The following RALGPS1 variants were observed in gnomAD, a reference collection of about 807,000 sequenced individuals.
RALGPS1 encodes Ral GEF with PH domain and SH3 binding motif 1.
Under a neutral mutation model 78.8 loss-of-function variants are expected in RALGPS1, and 19 were observed. That is an observed-to-expected ratio of 0.24 (90% CI 0.17 to 0.35). The LOEUF is 0.35. Ranked by LOEUF, RALGPS1 falls within the 10% of genes least tolerant of loss-of-function variation. The pLI, the probability that RALGPS1 is intolerant of heterozygous loss-of-function variation, is 1.00. For synonymous variants in RALGPS1, 228 were observed against 256.3 expected (o/e 0.89, Z 1.06); for missense variants, 454 against 688.3 (o/e 0.66, Z 3.81).
intron 13 of RALGPS1, among the ~76,000 whole-genome samples, 153 bp from the exon 14 acceptor site, chr9:127,198,862 C>T (rs988088176): frequency 2.6e-5 from 4 of 152,190 alleles, no homozygotes; most frequent in Non-Finnish European, 5.9e-5. Context: ...TTAGAACTCA[C>T]AGCAAAAACT....
At chr9:126,927,416 A>G (rs985086162) in intron 1 of RALGPS1, among the ~76,000 whole-genome samples, 3 of 150,986 alleles carry the variant, frequency 2.0e-5, no homozygotes, top group Non-Finnish European at 4.4e-5. Context: ...GGGGGCACCA[A>G]CCTCCACTTC....
At chr9:127,059,831 T>C (rs1054339311) in intron 7 of RALGPS1, among the ~76,000 whole-genome samples, 12 of 152,198 alleles carry the variant, frequency 7.9e-5, no homozygotes, top group African/African-American at 2.9e-4. Context: ...GCCAGAAGAC[T>C]CTCTTAACAG....
At chr9:127,047,607 G>T (rs2135246037) in intron 5 of RALGPS1, among the ~76,000 whole-genome samples, 1 of 151,944 alleles carries the variant, frequency 6.6e-6, no homozygotes, top group East Asian at 1.9e-4. Flanking sequence ...GCTGAGGCAG[G>T]AGAATCGCTT....
intron 4 of RALGPS1, among the ~76,000 whole-genome samples, chr9:127,011,346 T>A (rs1018128485): frequency 3.6e-4 from 54 of 151,894 alleles, no homozygotes; most frequent in South Asian, 2.1e-4. Context: ...CCCGGCTAAT[T>A]TTTTGTGTTT....
At chr9:126,948,135 G>A (rs533873922) in intron 1 of RALGPS1, among the ~76,000 whole-genome samples, 2 of 152,306 alleles carry the variant, frequency 1.3e-5, no homozygotes, top group East Asian at 3.9e-4. Context: ...CTAGGTAGGG[G>A]CTTTGGGGAG....
At chr9:127,113,844 G>C (rs1480322812) in intron 8 of RALGPS1, among the ~76,000 whole-genome samples, 3 of 152,194 alleles carry the variant, frequency 2.0e-5, no homozygotes, top group African/African-American at 7.2e-5. Flanking sequence ...GCCTGATGTG[G>C]TGGGGCCACA....
chr9:127,161,453 T>G (rs1013111348), intron 8 of RALGPS1, among the ~76,000 whole-genome samples: 10 of 152,218 alleles, frequency 6.6e-5, no homozygotes, highest in African/African-American at 2.4e-4. Flanking sequence ...GAGCCTGGGT[T>G]CCGAGTCTCC....
intron 5 of RALGPS1, among the ~76,000 whole-genome samples, chr9:127,041,031 TTGTGTGTG>T (rs58541875): frequency 6.6e-5 from 9 of 135,824 alleles, no homozygotes; most frequent in Admixed American, 3.7e-4. Context: ...CTACAAACAT[TTGTGTGTG>T]TGTGTGTGTG....
intron 8 of RALGPS1, among the ~76,000 whole-genome samples, chr9:127,136,445 C>T (rs2057398374): frequency 1.3e-5 from 2 of 152,196 alleles, no homozygotes; most frequent in African/African-American, 2.4e-5. Flanking sequence ...CTGGGAGCTC[C>T]CAGAGGCTTC....
chr9:126,918,296 A>T (rs756680286), intron 1 of RALGPS1, among the ~76,000 whole-genome samples: 1 of 152,246 alleles, frequency 6.6e-6, no homozygotes, highest in Admixed American at 6.5e-5. Flanking sequence ...GTATGTAAGC[A>T]TTTGGGAAAG....
intron 6 of RALGPS1, among the ~76,000 whole-genome samples, chr9:127,050,459 T>C (rs996920814): frequency 2.6e-5 from 4 of 152,210 alleles, no homozygotes; most frequent in African/African-American, 9.6e-5. Flanking sequence ...CCATTCATTC[T>C]CCTACTTTAG....
intron 8 of RALGPS1, chr9:127,087,365 A>G (rs956676317): frequency 2.0e-5 from 3 of 152,608 alleles, no homozygotes; most frequent in Non-Finnish European, 2.9e-5. Context: ...GATGGCTTTT[A>G]TTGCAGATTC....
chr9:127,155,186 G>C (rs1239082387), intron 8 of RALGPS1, among the ~76,000 whole-genome samples: 1 of 152,224 alleles, frequency 6.6e-6, no homozygotes, highest in Non-Finnish European at 1.5e-5. Context: ...CCAGGTTGAA[G>C]GGAGTCGTGT....
At position 126,945,903 on chromosome 9, in the gene RALGPS1, G is replaced by A. The variant is rs188588404; in HGVS notation, c.-65-16322G>A. ...GCTTCCGTTTGGAGAAGGGGAAGAT[G>A]CATTCTGTTTTTCTCCAGCTGGGTA... On this transcript the variant is annotated intron_variant, in intron 1 of 18. Coordinates refer to ENST00000259351, the MANE Select transcript of RALGPS1 (RefSeq NM_014636.3). Among the ~76,000 whole-genome samples the A allele has an allele frequency of 4.6e-5, 7 of 152,344 alleles. No homozygotes were observed. The East Asian group carries it at 1.4e-3, about 29-fold the overall frequency.
At chr9:127,191,746 G>A (rs1459098549) in intron 11 of RALGPS1, among the ~76,000 whole-genome samples, 6 of 134,146 alleles carry the variant, frequency 4.5e-5, no homozygotes, top group Admixed American at 8.8e-5. Context: ...CACCCAGGCT[G>A]GAGTGCAGTG....
chr9:127,075,648 T>C (rs781317115), intron 8 of RALGPS1, among the ~76,000 whole-genome samples: 1 of 152,214 alleles, frequency 6.6e-6, no homozygotes, highest in Non-Finnish European at 1.5e-5. Flanking sequence ...TTTTCCCCCT[T>C]GGGGTGAGAG....
intron 1 of RALGPS1, among the ~76,000 whole-genome samples, chr9:126,943,982 A>T (rs1479077589): frequency 6.6e-6 from 1 of 152,190 alleles, no homozygotes; most frequent in African/African-American, 2.4e-5. Context: ...GAACTCAGAG[A>T]CCCTCATTAT....
rs768212640 is a variant in RALGPS1 at position 126,952,652 on chromosome 9, A to AGT, written c.-65-9572_-65-9571insTG. 1.3e-3 allele frequency among the ~76,000 whole-genome samples: 157 copies of AGT among 122,488 alleles called. 1 individual carries two copies. The highest frequency in any genetic ancestry group is 4.1e-3 in the Middle Eastern group (1 of 244). The allele number at this position is 122,488 out of a possible 152,430, so 80.4% of individuals were successfully genotyped here. On this transcript the variant is annotated intron_variant, in intron 1 of 18. Coordinates refer to ENST00000259351, the MANE Select transcript of RALGPS1 (RefSeq NM_014636.3). Reference sequence around the variant, plus strand: ...CTGAGAGAGAGAGAGAGAGAGAGAGAGAGAGTGTGTGTGTGTGTGTGTGTG... The same window carrying AGT: ...CTGAGAGAGAGAGAGAGAGAGAGAGAGTGAGAGTGTGTGTGTGTGTGTGTGTG...
intron 3 of RALGPS1, among the ~76,000 whole-genome samples, chr9:126,976,244 A>G (rs1160284077): frequency 6.6e-6 from 1 of 152,062 alleles, no homozygotes; most frequent in African/African-American, 2.4e-5. Flanking sequence ...TTCACATGCC[A>G]GTACATGAGC....
Sources: gnomAD v4.1 joint callset for allele counts (sites outside exome capture counted in the v4.1 genomes callset) on GRCh38, gnomAD v4.1.1 for gene constraint, MANE v1.5 for transcripts, NCBI Gene and HGNC (gene_info 2026-07-23, HGNC 2026-07-21) for gene names.